FSIP2: variants seen among roughly 807,000 people sequenced by gnomAD.
FSIP2 encodes fibrous sheath-interacting protein 2.
Under a neutral mutation model 510.5 loss-of-function variants are expected in FSIP2, and 367 were observed. The ratio of observed to expected loss-of-function variants is 0.72; its 90% CI spans 0.66 to 0.78. FSIP2 has a LOEUF of 0.78. Ranked by LOEUF, FSIP2 falls within the 30% of genes least tolerant of loss-of-function variation. The probability of loss-of-function intolerance (pLI) is 0.00; values close to 1 mark genes in which losing one functional copy is unlikely to be tolerated. For synonymous variants in FSIP2, 2,601 were observed against 2,732.2 expected (o/e 0.95, Z 1.50); for missense variants, 7,594 against 7,901.7 (o/e 0.96, Z 1.48).
Position 185,796,739 on chromosome 2 carries a change from G to A in FSIP2, c.9603G>A (p.Arg3201=), listed in dbSNP as rs1203995723. 1 of 1,534,884 alleles carries A rather than the reference G, an allele frequency of 6.5e-7. No homozygotes were observed. Among genetic ancestry groups the A allele is most frequent in the Non-Finnish European group, 8.7e-7 (1 of 1,146,242 alleles). Residue 3201 remains arginine (R), a synonymous_variant, in exon 16 of 23, where the codon AGG becomes AGA. Coordinates refer to ENST00000424728, the MANE Select transcript of FSIP2 (RefSeq NM_173651.4). ...ATGAAGATATGAAAGAAAAGTACAG[G>A]GTTTCATCAGATTTACCCACCTCTG... ...CSDEDMKEKY[R]VSSDLPTSVR... is the part of the protein sequence containing the mutation.
At position 185,806,815 on chromosome 2, in the gene FSIP2, A is replaced by C. The variant is rs576202665; in HGVS notation, c.17509A>C (p.Lys5837Gln). The C allele has an allele frequency of 3.0e-5, 48 of 1,611,300 alleles. 1 individual carries two copies. In the South Asian group the frequency reaches 5.0e-4, roughly 17 times the overall value. ...TAMKLINSLL[K>Q]EFSDAQIKVF... Reference sequence around the variant, plus strand: ...TATGAAACTCATCAATTCACTGTTAAAGGAGTTCTCAGATGCTCAAATTAA... The same window carrying C: ...TATGAAACTCATCAATTCACTGTTACAGGAGTTCTCAGATGCTCAAATTAA... The change falls in exon 17 of 23, where the codon AAG (lysine) becomes CAG (glutamine). Residue 5837 changes from lysine (K) to glutamine (Q), a missense_variant. Lys to Gln is a moderately conservative substitution (Grantham distance 53, BLOSUM62 1). Transcript: ENST00000424728.
chr2:185,787,610 T>C (rs72900053), intron 15 of FSIP2, among the ~76,000 whole-genome samples: 306 of 151,908 alleles, frequency 2.0e-3, no homozygotes, highest in Non-Finnish European at 3.3e-3. Context: ...CTTTATTATA[T>C]GTAAGATGAG....
At position 185,791,547 on chromosome 2, in the gene FSIP2, A is replaced by C; in HGVS notation, c.4411A>C (p.Lys1471Gln). 6.5e-7 allele frequency: 1 copy of C among 1,534,428 alleles called. No individual in the cohort carries two copies. The highest frequency in any genetic ancestry group is 1.2e-5 in the South Asian group (1 of 84,038). ...QSREMTNKNQKMAAALQSNIQ... is the reference protein window; with the variant it reads ...QSREMTNKNQQMAAALQSNIQ... ...CAGAGAGATGACCAATAAGAATCAG[A>C]AAATGGCTGCTGCATTGCAGTCTAA... Residue 1471 changes from lysine (K) to glutamine (Q), a missense_variant, in exon 16 of 23, where the codon AAA becomes CAA. Physicochemically the swap from Lys to Gln is moderately conservative, Grantham distance 53 (BLOSUM62 1). Transcript: ENST00000424728.
chr2:185,760,805 T>A (rs1289201632), intron 9 of FSIP2, among the ~76,000 whole-genome samples, 183 bp from the exon 10 acceptor site: 1 of 150,660 alleles, frequency 6.6e-6, no homozygotes, highest in African/African-American at 2.4e-5. Flanking sequence ...CAAAGTTGCA[T>A]TAGAAAACTT....
chr2:185,776,100 T>C (rs2105584562), intron 13 of FSIP2, among the ~76,000 whole-genome samples: 1 of 152,228 alleles, frequency 6.6e-6, no homozygotes, highest in South Asian at 2.1e-4. Flanking sequence ...TGATACACTG[T>C]CTCTACCTAA....
chr2:185,775,812 C>T (rs898976917), intron 13 of FSIP2, among the ~76,000 whole-genome samples: 9 of 152,098 alleles, frequency 5.9e-5, no homozygotes, highest in African/African-American at 1.4e-4. Flanking sequence ...TACAGGTGTG[C>T]ACCACCATAC....
Position 185,801,265 on chromosome 2 carries a change from C to A in FSIP2, c.11959C>A (p.Leu3987Ile). 2 of 1,533,714 alleles carry A rather than the reference C, an allele frequency of 1.3e-6. No homozygotes were observed. The highest frequency in any genetic ancestry group is 1.4e-5 in the African/African-American group (1 of 72,942). The part of the protein sequence containing the change: ...EGIISELFFN[L>I]SMSLWGKNKN... ...AATAATTTCAGAATTGTTTTTTAAT[C>A]TCTCTATGTCATTGTGGGGCAAAAA... The change falls in exon 17 of 23, where the codon CTC becomes ATC. Residue 3987 changes from leucine (L) to isoleucine (I), a missense_variant. Transcript: ENST00000424728.
In FSIP2 at chr2:185,807,815, A is replaced by G. The variant is rs369958393; in HGVS notation, c.18509A>G (p.His6170Arg). Residue 6170 changes from histidine to arginine, a missense_variant, in exon 17 of 23, where the codon CAT becomes CGT. Transcript: ENST00000424728. ...TTDVPLPKPS[H>R]ADKLSYNIIE... ...GATGTGCCCCTACCTAAACCTTCAC[A>G]TGCTGATAAGCTGTCTTATAACATA... The G allele has an allele frequency of 6.2e-7, 1 of 1,612,502 alleles. No individual in the cohort carries two copies. The highest frequency in any genetic ancestry group is 1.3e-5 in the African/African-American group (1 of 74,848).
chr2:185,820,474 A>G (rs1287831490), intron 19 of FSIP2, among the ~76,000 whole-genome samples: 1 of 138,582 alleles, frequency 7.2e-6, no homozygotes, highest in African/African-American at 2.7e-5. Context: ...CTATCTATCT[A>G]TAATTTATAT....
chr2:185,801,672 A>G lies in FSIP2; in HGVS notation c.12366A>G (p.Thr4122=). ...IILQKLQSNL[T]EFTSLPRSSS... ...TGCAAAAGCTTCAAAGTAACCTAAC[A>G]GAATTTACTTCTCTACCCAGGTCTT... is the stretch of plus-strand genomic sequence containing the variant. The change falls in exon 17 of 23, where the codon ACA becomes ACG. Residue 4122 remains threonine (T), a synonymous_variant. Transcript: ENST00000424728. 6.5e-7 allele frequency: 1 copy of G among 1,527,364 alleles called. No homozygotes were observed. The highest frequency in any genetic ancestry group is 8.7e-7 in the Non-Finnish European group (1 of 1,142,898). The allele number at this position is 1,527,364 out of a possible 1,614,324, so 94.6% of individuals were successfully genotyped here.
chr2:185,790,365 C>CA lies in FSIP2; in HGVS notation c.3230dup (p.His1077GlnfsTer2). On this transcript the variant is annotated frameshift_variant, in exon 16 of 23. Transcript: ENST00000424728. LOFTEE classifies it high-confidence loss of function. ...AAAGACTGAGCCACCATCTACTAAT[C>CA]ATGAAGATATTTTAAAGAAAAAACT... is the stretch of plus-strand genomic sequence containing the variant. 6.5e-7 allele frequency: 1 copy of CA among 1,529,858 alleles called. No individual in the cohort carries two copies. Among genetic ancestry groups the CA allele is most frequent in the Non-Finnish European group, 8.7e-7 (1 of 1,144,422 alleles). The allele number at this position is 1,529,858 out of a possible 1,614,324, so 94.8% of individuals were successfully genotyped here.
intron 13 of FSIP2, among the ~76,000 whole-genome samples, chr2:185,781,126 GACTT>G (rs3057736): frequency 0.65 from 98,567 of 150,522 alleles, 32,557 homozygotes; most frequent in South Asian, 0.72. Flanking sequence ...GATGGCCCCT[GACTT>G]ACTTACAGTG....
At position 185,824,496 on chromosome 2, in the gene FSIP2, CTTAAA is replaced by C. The variant is rs761917946; in HGVS notation, c.20473+20_20473+24del. 3.4e-6 allele frequency: 5 copies of C among 1,486,058 alleles called. No homozygotes were observed. The African/African-American group carries it at 4.2e-5, about 13-fold the overall frequency. 92.1% of individuals were successfully genotyped at this position (1,486,058 alleles called of 1,614,324 possible). A position where few individuals can be genotyped will look rare whatever the true frequency, so the allele number is the denominator to read the frequency against. On this transcript the variant is annotated intron_variant, in intron 20 of 22. Coordinates refer to ENST00000424728, the MANE Select transcript of FSIP2 (RefSeq NM_173651.4). ...ATATTAGAAGGTTGGACTCCTTTTT[CTTAAA>C]TTAGAGAGTATTTTTTACTACTTTG...
chr2:185,759,160 T>A (rs575346316), intron 9 of FSIP2, among the ~76,000 whole-genome samples: 1 of 151,014 alleles, frequency 6.6e-6, no homozygotes, highest in South Asian at 2.1e-4. Context: ...GCTCTAGATA[T>A]TTAAATATAG....
upstream of FSIP2, among the ~76,000 whole-genome samples, chr2:185,737,207 C>T (rs1020832437): frequency 6.6e-6 from 1 of 152,192 alleles, no homozygotes; most frequent in Non-Finnish European, 1.5e-5. Context: ...GGATTACTAA[C>T]CTCCATCACT....
Position 185,814,333 on chromosome 2 carries a change from C to T in FSIP2, c.20325+291C>T, listed in dbSNP as rs1693793683. ...TTATTAAAAACAGTTGGTTTCCACC[C>T]TTTTGTATTTTGGCTGGTAAACACT... On this transcript the variant is annotated intron_variant, in intron 18 of 22. Transcript: ENST00000424728. Among the ~76,000 whole-genome samples the T allele has an allele frequency of 3.3e-5, 5 of 151,986 alleles. No homozygotes were observed. In the South Asian group the frequency reaches 1.0e-3, roughly 31 times the overall value.
rs1004455483 is a variant in FSIP2 at position 185,793,219 on chromosome 2, C to G, written c.6083C>G (p.Thr2028Ser). 64 of 1,533,598 alleles carry G rather than the reference C, an allele frequency of 4.2e-5. No individual in the cohort carries two copies. Among genetic ancestry groups the G allele is most frequent in the Non-Finnish European group, 5.5e-5 (63 of 1,145,396 alleles). The allele number at this position is 1,533,598 out of a possible 1,614,324, so 95.0% of individuals were successfully genotyped here. A position where few individuals can be genotyped will look rare whatever the true frequency, so the allele number is the denominator to read the frequency against. ...AAAGAAAGGGAAAATCCTTTTTTAA[C>G]TCATGACATTGGGATTTCTGAAAGT... ...LDKERENPFL[T>S]HDIGISESIA... The change falls in exon 16 of 23, where the codon ACT becomes AGT. Residue 2028 changes from threonine (T) to serine (S), a missense_variant. Transcript: ENST00000424728.
Position 185,802,544 on chromosome 2 carries a change from T to A in FSIP2, c.13238T>A (p.Ile4413Asn). The A allele has an allele frequency of 1.3e-6, 2 of 1,530,478 alleles. No individual in the cohort carries two copies. Among genetic ancestry groups the A allele is most frequent in the Non-Finnish European group, 1.7e-6 (2 of 1,144,400 alleles). The allele number at this position is 1,530,478 out of a possible 1,614,324, so 94.8% of individuals were successfully genotyped here. A position where few individuals can be genotyped will look rare whatever the true frequency, so the allele number is the denominator to read the frequency against. ...ENITNLIVAA[I>N]SDYLLHPLFS... ...ATTACCAATTTAATTGTAGCAGCTA[T>A]TTCAGATTACCTTCTTCATCCACTG... Residue 4413 changes from isoleucine to asparagine, a missense_variant, in exon 17 of 23, where the codon ATT becomes AAT. Coordinates refer to ENST00000424728, the MANE Select transcript of FSIP2 (RefSeq NM_173651.4).
At chr2:185,737,910 T>C (rs1399765995), upstream of FSIP2, among the ~76,000 whole-genome samples, 3 of 152,264 alleles carry the variant, frequency 2.0e-5, no homozygotes, top group East Asian at 5.8e-4. Flanking sequence ...TCAGTCTTCC[T>C]CAATCTTTGA....
Sources: allele counts gnomAD v4.1 joint callset (sites outside exome capture counted in the v4.1 genomes callset), GRCh38; gene constraint gnomAD v4.1.1; transcripts MANE v1.5; gene names NCBI Gene and HGNC (gene_info 2026-07-23, HGNC 2026-07-21).